Variants in ZFHX3 observed in about 807,000 individuals in gnomAD.
ZFHX3 encodes zinc finger homeobox 3.
ZFHX3 carries 42 observed loss-of-function variants against 279.1 expected under a neutral mutation model. The ratio of observed to expected loss-of-function variants is 0.15; its 90% CI spans 0.12 to 0.19. The LOEUF (loss-of-function observed/expected upper bound fraction) is 0.19. Among genes scored for constraint, ZFHX3 ranks in the 10% least tolerant of loss-of-function variants. ZFHX3 has a pLI of 1.00. For missense variants in ZFHX3, 4,981 were observed against 4,754.0 expected, an observed-to-expected ratio of 1.05 and a Z score of -1.40; for synonymous variants, 2,293 against 1,957.8, an observed-to-expected ratio of 1.17 and a Z score of -4.52.
intron 5 of ZFHX3, among the ~76,000 whole-genome samples, chr16:73,221,544 G>A (rs2012420730): frequency 6.6e-6 from 1 of 151,880 alleles, no homozygotes; most frequent in South Asian, 2.1e-4. Context: ...CAAAATCTCA[G>A]AAATCACCGC....
chr16:73,022,842 C>T (rs1361180023), intron 1 of ZFHX3, among the ~76,000 whole-genome samples: 3 of 152,100 alleles, frequency 2.0e-5, no homozygotes, highest in East Asian at 3.9e-4. Context: ...CCAGGTTTTG[C>T]CCTGAAGACC....
At chr16:73,777,105 T>C (rs1959274612) in intron 1 of ZFHX3, among the ~76,000 whole-genome samples, 1 of 152,104 alleles carries the variant, frequency 6.6e-6, no homozygotes, top group Non-Finnish European at 1.5e-5. Flanking sequence ...ATCTAACACA[T>C]CGATCCTAAT....
chr16:73,446,675 C>G (rs1243739321), intron 3 of ZFHX3, among the ~76,000 whole-genome samples: 1 of 151,996 alleles, frequency 6.6e-6, no homozygotes, highest in Non-Finnish European at 1.5e-5. Flanking sequence ...TAAGTGGGAG[C>G]TAAATGATGA....
intron 3 of ZFHX3, among the ~76,000 whole-genome samples, chr16:72,918,859 C>A (rs1211589792): frequency 6.6e-6 from 1 of 151,990 alleles, no homozygotes; most frequent in Non-Finnish European, 1.5e-5. Context: ...CCATGCCCAG[C>A]TAATTTTTTT....
chr16:73,838,210 G>A (rs1961195354), intron 1 of ZFHX3, among the ~76,000 whole-genome samples: 1 of 152,168 alleles, frequency 6.6e-6, no homozygotes, highest in African/African-American at 2.4e-5. Context: ...CTTCTGTTAG[G>A]ACTTACATGT....
At chr16:73,797,651 A>C (rs1470763660) in intron 1 of ZFHX3, among the ~76,000 whole-genome samples, 5 of 152,260 alleles carry the variant, frequency 3.3e-5, no homozygotes, top group African/African-American at 1.2e-4. Flanking sequence ...ATTTGGATCT[A>C]CACTGGTACG....
chr16:72,879,078 G>A (rs748907045), intron 4 of ZFHX3, among the ~76,000 whole-genome samples: 1 of 152,164 alleles, frequency 6.6e-6, no homozygotes, highest in Non-Finnish European at 1.5e-5. Flanking sequence ...AGCAGGATGT[G>A]ACTTGCCCTG....
At chr16:73,196,472 CT>C (rs1968152124) in intron 5 of ZFHX3, among the ~76,000 whole-genome samples, 1 of 151,928 alleles carries the variant, frequency 6.6e-6, no homozygotes, top group South Asian at 2.1e-4. Context: ...CATTTCTTCT[CT>C]GAAAAATAAT....
chr16:73,030,552 T>C (rs1964661537), intron 1 of ZFHX3, among the ~76,000 whole-genome samples: 1 of 152,090 alleles, frequency 6.6e-6, no homozygotes, highest in South Asian at 2.1e-4. Context: ...TGGCAAAGTG[T>C]CTACAGCTCT....
At chr16:72,883,290 A>T (rs558782279) in intron 4 of ZFHX3, among the ~76,000 whole-genome samples, 1 of 152,140 alleles carries the variant, frequency 6.6e-6, no homozygotes, top group Non-Finnish European at 1.5e-5. Flanking sequence ...AATGCAGGAG[A>T]ATCACAGAGT....
At chr16:72,827,884 G>A (rs1197632858) in intron 5 of ZFHX3, among the ~76,000 whole-genome samples, 1 of 152,156 alleles carries the variant, frequency 6.6e-6, no homozygotes, top group Non-Finnish European at 1.5e-5. Context: ...CCATTCATTC[G>A]GCTGCAGTAT....
At chr16:73,248,861 T>C (rs1174693787) in intron 5 of ZFHX3, among the ~76,000 whole-genome samples, 1 of 152,156 alleles carries the variant, frequency 6.6e-6, no homozygotes, top group Non-Finnish European at 1.5e-5. Flanking sequence ...AGCAGGATGG[T>C]ATTTTAAAAA....
chr16:73,840,146 T>G (rs903595027), intron 1 of ZFHX3, among the ~76,000 whole-genome samples: 1 of 152,056 alleles, frequency 6.6e-6, no homozygotes, highest in Admixed American at 6.5e-5. Flanking sequence ...AAATAAGTAA[T>G]GTATGACCCT....
chr16:73,404,804 A>C (rs903818828), intron 3 of ZFHX3, among the ~76,000 whole-genome samples: 5 of 152,130 alleles, frequency 3.3e-5, no homozygotes, highest in Non-Finnish European at 7.3e-5. Context: ...CTACCCCTCC[A>C]AGTCCTGTTA....
chr16:73,173,008 G>GTTTTTTTTTTTTTT (rs869289153), intron 5 of ZFHX3, among the ~76,000 whole-genome samples: 8 of 49,952 alleles, frequency 1.6e-4, no homozygotes, highest in Non-Finnish European at 1.9e-4. Context: ...TTTTTTTTTT[G>GTTTTTTTTTTTTTT]TTTTTTTTTT....
intron 3 of ZFHX3, among the ~76,000 whole-genome samples, chr16:73,442,090 G>A (rs560104839): frequency 6.6e-6 from 1 of 152,308 alleles, no homozygotes; most frequent in East Asian, 1.9e-4. Context: ...AAGACCTGAA[G>A]AAGGGAGGGT....
chr16:73,423,367 T>G (rs1008391056), intron 3 of ZFHX3, among the ~76,000 whole-genome samples: 1 of 152,192 alleles, frequency 6.6e-6, no homozygotes, highest in South Asian at 2.1e-4. Context: ...AAGGTAACTG[T>G]TGCCTCAACT....
chr16:73,253,646 G>C (rs956985397), intron 5 of ZFHX3, among the ~76,000 whole-genome samples: 6 of 151,824 alleles, frequency 4.0e-5, no homozygotes, highest in African/African-American at 1.2e-4. Context: ...TAGTAGAGAA[G>C]GGGTTTCACC....
intron 3 of ZFHX3, among the ~76,000 whole-genome samples, chr16:73,324,261 T>A (rs1308185077): frequency 6.6e-6 from 1 of 152,186 alleles, no homozygotes; most frequent in Non-Finnish European, 1.5e-5. Context: ...ACAGTGTCAT[T>A]CTTGGAGGTG....
Sources: gnomAD v4.1 joint callset for allele counts (sites outside exome capture counted in the v4.1 genomes callset) on GRCh38, gnomAD v4.1.1 for gene constraint, MANE v1.5 for transcripts, NCBI Gene and HGNC (gene_info 2026-07-23, HGNC 2026-07-21) for gene names.